TRIO: variants seen among roughly 807,000 people sequenced by gnomAD.
The protein encoded by TRIO is triple functional domain protein.
TRIO carries 58 observed loss-of-function variants against 351.9 expected under a neutral mutation model. The ratio of observed to expected loss-of-function variants is 0.16; its 90% CI spans 0.13 to 0.21. The LOEUF is 0.21. TRIO is among the 10% of genes least tolerant of loss of function. The pLI is 1.00. For synonymous variants in TRIO, 1,758 were observed against 1,595.7 expected, an observed-to-expected ratio of 1.10 and a Z score of -2.42; for missense variants, 3,201 against 4,027.8, an observed-to-expected ratio of 0.79 and a Z score of 5.56.
intron 1 of TRIO, among the ~76,000 whole-genome samples, chr5:14,210,602 T>TTTG (rs200233489): frequency 2.7e-3 from 405 of 151,954 alleles, no homozygotes; most frequent in Middle Eastern, 0.02. Context: ...AAAGTGTTTT[T>TTTG]TTGTTGTTGT....
intron 30 of TRIO, chr5:14,399,398 A>G (rs942041054): frequency 1.1e-5 from 4 of 379,262 alleles, no homozygotes; most frequent in Non-Finnish European, 1.9e-5. Flanking sequence ...AATCATATCT[A>G]TGACTAAGTT....
Position 14,487,651 on chromosome 5 carries a change from C to A in TRIO, c.7023C>A (p.Ile2341=), listed in dbSNP as rs1416730940. The part of the protein sequence containing the change: ...PSTSRSRPSR[I]PQPVRHHPPV... ...CGAGCAGGAGCCGGCCCTCCCGGAT[C>A]CCCCAGCCTGTCCGACACCACCCCC... The change falls in exon 48 of 57, where the codon ATC becomes ATA. Residue 2341 remains isoleucine, a synonymous_variant. Coordinates refer to ENST00000344204, the MANE Select transcript of TRIO (RefSeq NM_007118.4). 2.3e-6 allele frequency: 3 copies of A among 1,320,786 alleles called. No homozygotes were observed. The highest frequency in any genetic ancestry group is 2.2e-5 in the South Asian group (1 of 44,824). 81.8% of individuals were successfully genotyped at this position (1,320,786 alleles called of 1,614,324 possible).
chr5:14,358,394 C>T (rs762994471), intron 12 of TRIO, 47 bp downstream of exon 12: 27 of 1,599,970 alleles, frequency 1.7e-5, no homozygotes, highest in Non-Finnish European at 2.1e-5. Context: ...GAAACCCTGC[C>T]TGTGACTCCC....
chr5:14,419,900 C>G lies in TRIO; in HGVS notation c.5082C>G (p.Asp1694Glu). The part of the protein sequence containing the change: ...EVLERPHDKP[D>E]WCLVRTTDRS... ...TGGAGCGGCCGCATGACAAGCCTGACTGGTGTCTGGTGCGGACAACTGACC... is the reference window on the plus strand; with the variant it reads ...TGGAGCGGCCGCATGACAAGCCTGAGTGGTGTCTGGTGCGGACAACTGACC... The change falls in exon 34 of 57, where the codon GAC becomes GAG. Residue 1694 changes from aspartate (D) to glutamate (E), a missense_variant. Around this residue, in one of 19 missense-constraint regions of TRIO, gnomAD observed 193 missense variants for 218.8 expected, o/e 0.88. Transcript: ENST00000344204. The G allele has an allele frequency of 1.2e-6, 2 of 1,614,198 alleles. No homozygotes were observed. The highest frequency in any genetic ancestry group is 1.7e-6 in the Non-Finnish European group (2 of 1,180,020).
Position 14,474,024 on chromosome 5 carries a change from G to A in TRIO, c.6010G>A (p.Val2004Ile). The change falls in exon 40 of 57, where the codon GTT becomes ATT. Residue 2004 changes from valine (V) to isoleucine (I), a missense_variant. Transcript: ENST00000344204. ...CATGGCACTTATGAAAGAAGATGGT[G>A]TTCCTGATGACATGAAAGGAAAAGA... ...GYMALMKEDG[V>I]PDDMKGKDKI... The A allele has an allele frequency of 6.2e-7, 1 of 1,613,494 alleles. No individual in the cohort carries two copies. Among genetic ancestry groups the A allele is most frequent in the Non-Finnish European group, 8.5e-7 (1 of 1,179,486 alleles).
In TRIO at chr5:14,481,266, G is replaced by A. The variant is rs1346673151; in HGVS notation, c.6369G>A (p.Leu2123=). 6.2e-7 allele frequency: 1 copy of A among 1,614,074 alleles called. No homozygotes were observed. Among genetic ancestry groups the A allele is most frequent in the South Asian group, 1.1e-5 (1 of 91,056 alleles). The part of the protein sequence containing the change: ...DFLKYSKKAS[L]DTSELERAVE... ...TCAAGTATTCCAAAAAGGCCAGCCT[G>A]GATACATCAGAATTAGAGGTACATG... The change falls in exon 44 of 57, where the codon CTG becomes CTA. Residue 2123 remains leucine (L), a synonymous_variant. Coordinates refer to ENST00000344204, the MANE Select transcript of TRIO (RefSeq NM_007118.4).
chr5:14,371,413 A>G (rs1230740428), intron 18 of TRIO, among the ~76,000 whole-genome samples: 4 of 152,108 alleles, frequency 2.6e-5, no homozygotes, highest in East Asian at 3.9e-4. Flanking sequence ...TTCTCCTCCT[A>G]TTTTACTCCT....
chr5:14,216,994 G>A (rs1051715891), intron 1 of TRIO, among the ~76,000 whole-genome samples: 14 of 152,176 alleles, frequency 9.2e-5, no homozygotes, highest in African/African-American at 2.4e-4. Flanking sequence ...GCAAGGAGGC[G>A]TGCTGGGAAC....
chr5:14,291,811 A>G (rs1736939205), intron 5 of TRIO, among the ~76,000 whole-genome samples: 1 of 150,394 alleles, frequency 6.6e-6, no homozygotes, highest in Non-Finnish European at 1.5e-5. Context: ...AAAAAAAAAA[A>G]AAAAAGTGAA....
Position 14,378,075 on chromosome 5 carries a change from G to A in TRIO, c.3395G>A (p.Arg1132Lys), listed in dbSNP as rs1326362026. The change falls in exon 20 of 57, where the codon AGA becomes AAA. Residue 1132 changes from arginine (R) to lysine (K), a missense_variant. Transcript: ENST00000344204. ...TTGCATTACTGGACCATGAGGAAGAGACGGCTGGACCAGTGTCAGCAGTAC... is the reference window on the plus strand; with the variant it reads ...TTGCATTACTGGACCATGAGGAAGAAACGGCTGGACCAGTGTCAGCAGTAC... ...RVLHYWTMRK[R>K]RLDQCQQYVV... The A allele has an allele frequency of 6.2e-7, 1 of 1,613,614 alleles. No individual in the cohort carries two copies. The highest frequency in any genetic ancestry group is 8.5e-7 in the Non-Finnish European group (1 of 1,179,910).
At chr5:14,195,486 A>C (rs1209933804) in intron 1 of TRIO, among the ~76,000 whole-genome samples, 1 of 152,088 alleles carries the variant, frequency 6.6e-6, no homozygotes, top group East Asian at 1.9e-4. Context: ...CAAATTGATA[A>C]CTTTTTTCTT....
intron 7 of TRIO, among the ~76,000 whole-genome samples, chr5:14,301,325 C>T (rs1335644341): frequency 1.3e-5 from 2 of 152,066 alleles, no homozygotes; most frequent in Non-Finnish European, 2.9e-5. Context: ...AAGCAGGCTC[C>T]TGATCTGAAC....
intron 37 of TRIO, among the ~76,000 whole-genome samples, chr5:14,467,819 TAAA>T (rs1206323170): frequency 2.6e-5 from 4 of 151,754 alleles, no homozygotes; most frequent in African/African-American, 4.8e-5. Flanking sequence ...ATCAAAAAAA[TAAA>T]AAAAGGAGCT....
chr5:14,441,719 A>G (rs1752063991), intron 34 of TRIO, among the ~76,000 whole-genome samples: 1 of 152,198 alleles, frequency 6.6e-6, no homozygotes, highest in African/African-American at 2.4e-5. Context: ...AGTTGGCTTT[A>G]TGTCTGTTTC....
At chr5:14,425,258 T>C (rs1361675183) in intron 34 of TRIO, among the ~76,000 whole-genome samples, 2 of 152,230 alleles carry the variant, frequency 1.3e-5, no homozygotes, top group Non-Finnish European at 2.9e-5. Flanking sequence ...GCACTGCCCC[T>C]TTCCTTTCTG....
In TRIO at chr5:14,358,353, C is replaced by T. The variant is rs2152336052; in HGVS notation, c.2216+6C>T. 6.2e-7 allele frequency: 1 copy of T among 1,613,742 alleles called. No individual in the cohort carries two copies. The highest frequency in any genetic ancestry group is 1.3e-5 in the African/African-American group (1 of 75,032). Reference sequence around the variant, plus strand: ...GACCTCATCCAGCAGCTCAGGTGGGCCTCACCCCTCTCCTGGTCCGAACAG... The same window carrying T: ...GACCTCATCCAGCAGCTCAGGTGGGTCTCACCCCTCTCCTGGTCCGAACAG... On this transcript the variant is annotated splice_donor_region_variant and intron_variant, in intron 12 of 56. Transcript: ENST00000344204.
intron 1 of TRIO, among the ~76,000 whole-genome samples, chr5:14,206,352 C>T (rs1791455134): frequency 6.6e-6 from 1 of 152,228 alleles, no homozygotes. Flanking sequence ...TGAGCCACTG[C>T]ACCTGGTCTA....
At chr5:14,311,050 G>T (rs1460826087) in intron 8 of TRIO, among the ~76,000 whole-genome samples, 1 of 152,212 alleles carries the variant, frequency 6.6e-6, no homozygotes, top group Non-Finnish European at 1.5e-5. Context: ...GCGACATGCA[G>T]TGCTGTAGTC....
intron 3 of TRIO, among the ~76,000 whole-genome samples, chr5:14,281,898 G>A (rs1170246663): frequency 6.6e-6 from 1 of 152,216 alleles, no homozygotes; most frequent in African/African-American, 2.4e-5. Context: ...AGGGGTTGTG[G>A]TAAAGGTAAT....
Sources: allele counts gnomAD v4.1 joint callset (sites outside exome capture counted in the v4.1 genomes callset), GRCh38; gene constraint gnomAD v4.1.1; regional missense constraint gnomAD v4.1.1; transcripts MANE v1.5; gene names NCBI Gene and HGNC (gene_info 2026-07-23, HGNC 2026-07-21).